CAMSAP2: variants seen among roughly 807,000 people sequenced by gnomAD.
CAMSAP2 encodes calmodulin regulated spectrin associated protein family member 2.
A neutral mutation model predicts 146.1 loss-of-function variants in CAMSAP2; 26 were observed. The observed-to-expected ratio is 0.18, with a 90% CI of 0.13 to 0.25. The LOEUF (loss-of-function observed/expected upper bound fraction) is 0.25, where lower values mean the gene tolerates loss of function less well. Ranked by LOEUF, CAMSAP2 falls within the 10% of genes least tolerant of loss-of-function variation. CAMSAP2 has a pLI of 1.00. For synonymous variants in CAMSAP2, 499 were observed against 596.6 expected (o/e 0.84, Z 2.38); for missense variants, 1,381 against 1,759.3 (o/e 0.78, Z 3.85).
intron 1 of CAMSAP2, among the ~76,000 whole-genome samples, chr1:200,747,399 A>G (rs747671046): frequency 3.9e-5 from 6 of 152,236 alleles, no homozygotes; most frequent in Non-Finnish European, 4.4e-5. Context: ...AAAAAGATCC[A>G]TTAGATTTAG....
At chr1:200,748,856 T>C (rs1664419446) in intron 1 of CAMSAP2, among the ~76,000 whole-genome samples, 1 of 152,136 alleles carries the variant, frequency 6.6e-6, no homozygotes, top group Non-Finnish European at 1.5e-5. Flanking sequence ...CTCTATTTAT[T>C]AGCTGAAATG....
intron 9 of CAMSAP2, 93 bp downstream of exon 9, chr1:200,847,385 GT>G: frequency 2.4e-6 from 2 of 832,950 alleles, no homozygotes; most frequent in African/African-American, 1.8e-5. Context: ...AATATCCAGG[GT>G]TTTTTTGTGT....
chr1:200,770,313 C>T (rs953934174), intron 2 of CAMSAP2, among the ~76,000 whole-genome samples: 33 of 152,220 alleles, frequency 2.2e-4, no homozygotes, highest in Non-Finnish European at 4.0e-4. Context: ...AGGTAATAAA[C>T]GATAATGTTA....
chr1:200,811,260 C>T (rs1666322320), intron 3 of CAMSAP2, among the ~76,000 whole-genome samples: 1 of 152,142 alleles, frequency 6.6e-6, no homozygotes, highest in Middle Eastern at 3.2e-3. Flanking sequence ...TTTGGCTTCT[C>T]AGCAGTTTTT....
At chr1:200,824,595 C>T (rs1026056702) in intron 4 of CAMSAP2, among the ~76,000 whole-genome samples, 1 of 152,158 alleles carries the variant, frequency 6.6e-6, no homozygotes, top group African/African-American at 2.4e-5. Flanking sequence ...ACTCAGGCTT[C>T]CAACAGCATT....
At position 200,848,248 on chromosome 1, in the gene CAMSAP2, T is replaced by C; in HGVS notation, c.1479T>C (p.Asp493=). ...AESIEEELNI[D]SHSDLKSCVP... ...GCATTGAAGAAGAACTTAATATAGATTCTCACAGTGACCTCAAATCTTGTG... is the reference window on the plus strand; with the variant it reads ...GCATTGAAGAAGAACTTAATATAGACTCTCACAGTGACCTCAAATCTTGTG... Residue 493 remains aspartate, a synonymous_variant, in exon 11 of 17, where the codon GAT becomes GAC. Coordinates refer to ENST00000358823, the MANE Select transcript of CAMSAP2 (RefSeq NM_203459.4). The C allele has an allele frequency of 6.2e-7, 1 of 1,613,588 alleles. No individual in the cohort carries two copies. Among genetic ancestry groups the C allele is most frequent in the African/African-American group, 1.3e-5 (1 of 75,016 alleles).
Position 200,849,769 on chromosome 1 carries a change from C to A in CAMSAP2, c.3000C>A (p.Ser1000Arg). The stretch of plus-strand genomic sequence containing the variant: ...TGACACCTCCTCGGTCTGTGGATAG[C>A]CTTCCTCGGTTAAGGAGGTTTTCAC... ...RTLTPPRSVD[S>R]LPRLRRFSPS... The change falls in exon 11 of 17, where the codon AGC becomes AGA. Residue 1000 changes from serine (S) to arginine (R), a missense_variant. Physicochemically the swap from Ser to Arg is moderately radical, Grantham distance 110. Coordinates refer to ENST00000358823, the MANE Select transcript of CAMSAP2 (RefSeq NM_203459.4). The surrounding 1 kb of genome is among the most constrained non-coding windows in gnomAD (Gnocchi z 6.3). 6.2e-7 allele frequency: 1 copy of A among 1,614,122 alleles called. No homozygotes were observed. Among genetic ancestry groups the A allele is most frequent in the Non-Finnish European group, 8.5e-7 (1 of 1,179,996 alleles).
rs772398121 is a variant in CAMSAP2 at position 200,832,190 on chromosome 1, T to TA, written c.646-9dup. The TA allele has an allele frequency of 1.9e-6, 3 of 1,587,146 alleles. No individual in the cohort carries two copies. In the South Asian group the frequency reaches 3.5e-5, roughly 19 times the overall value. On this transcript the variant is annotated splice_polypyrimidine_tract_variant and intron_variant, in intron 4 of 16. Transcript: ENST00000358823. The surrounding 1 kb of genome is among the most constrained non-coding windows in gnomAD (Gnocchi z 4.2). ...CTTATTTATTTTCATGTATTTTTTTTATATCGTAGGCTCGTTATCGGAAAG... is the reference window on the plus strand; with the variant it reads ...CTTATTTATTTTCATGTATTTTTTTTAATATCGTAGGCTCGTTATCGGAAAG...
intron 6 of CAMSAP2, among the ~76,000 whole-genome samples, chr1:200,838,900 C>T (rs1553292241): frequency 6.6e-6 from 1 of 152,090 alleles, no homozygotes; most frequent in Non-Finnish European, 1.5e-5. Context: ...ATGAATTGGA[C>T]ATGGGAGAAA....
intron 1 of CAMSAP2, among the ~76,000 whole-genome samples, chr1:200,754,171 T>C (rs1395031846): frequency 6.6e-6 from 1 of 152,206 alleles, no homozygotes; most frequent in Non-Finnish European, 1.5e-5. Flanking sequence ...ACAATATGCC[T>C]GTTATTTTAT....
At chr1:200,851,450 C>A (rs1483953702) in intron 11 of CAMSAP2, among the ~76,000 whole-genome samples, 2 of 152,220 alleles carry the variant, frequency 1.3e-5, no homozygotes, top group Non-Finnish European at 2.9e-5. Flanking sequence ...CCGCCTCAGC[C>A]TCCCAAAGTG....
intron 7 of CAMSAP2, among the ~76,000 whole-genome samples, chr1:200,843,093 T>C (rs1306709425): frequency 6.6e-6 from 1 of 152,086 alleles, no homozygotes; most frequent in Admixed American, 6.5e-5. Context: ...ATGGAAACAT[T>C]TCTGTCTGCT....
Position 200,848,140 on chromosome 1 carries a change from T to C in CAMSAP2, c.1371T>C (p.Leu457=). The change falls in exon 11 of 17, where the codon CTT becomes CTC. Residue 457 remains leucine, a synonymous_variant. Coordinates refer to ENST00000358823, the MANE Select transcript of CAMSAP2 (RefSeq NM_203459.4). ...CTCGTTCTATTAGTAATGAAGGACT[T>C]ACTCTGAACAACAGTCATGTATCTA... The part of the protein sequence containing the change: ...GITRSISNEG[L]TLNNSHVSKH... 6.2e-7 allele frequency: 1 copy of C among 1,613,546 alleles called. No homozygotes were observed. The highest frequency in any genetic ancestry group is 8.5e-7 in the Non-Finnish European group (1 of 1,179,644).
chr1:200,840,734 G>C (rs1326253826), intron 6 of CAMSAP2, among the ~76,000 whole-genome samples: 1 of 152,116 alleles, frequency 6.6e-6, no homozygotes, highest in Non-Finnish European at 1.5e-5. Context: ...AAGAAGGCAA[G>C]ACATTAGAAA....
intron 15 of CAMSAP2, among the ~76,000 whole-genome samples, chr1:200,856,431 C>G (rs1406964081): frequency 6.6e-6 from 1 of 152,210 alleles, no homozygotes; most frequent in African/African-American, 2.4e-5. Flanking sequence ...ACCAAGTCCT[C>G]TCCCTAATAC....
In CAMSAP2 at chr1:200,850,103, C is replaced by T; in HGVS notation, c.3334C>T (p.Leu1112=). The T allele has an allele frequency of 6.2e-7, 1 of 1,614,118 alleles. No individual in the cohort carries two copies. Among genetic ancestry groups the T allele is most frequent in the East Asian group, 2.2e-5 (1 of 44,888 alleles). ...FPPTAPKNVN[L]IEVSLSDLKP... Reference sequence around the variant, plus strand: ...ACCCACTGCTCCAAAAAATGTTAATCTGATTGAAGTTTCCCTCTCAGATTT... The same window carrying T: ...ACCCACTGCTCCAAAAAATGTTAATTTGATTGAAGTTTCCCTCTCAGATTT... Residue 1112 remains leucine, a synonymous_variant, in exon 11 of 17, where the codon CTG becomes TTG. Coordinates refer to ENST00000358823, the MANE Select transcript of CAMSAP2 (RefSeq NM_203459.4).
intron 6 of CAMSAP2, among the ~76,000 whole-genome samples, chr1:200,839,341 T>A (rs1475937654): frequency 1.3e-5 from 2 of 152,158 alleles, no homozygotes; most frequent in African/African-American, 4.8e-5. Context: ...AGTAGAGGCC[T>A]GCTCCTAAAA....
intron 2 of CAMSAP2, among the ~76,000 whole-genome samples, chr1:200,801,002 A>G (rs1048832541): frequency 1.3e-5 from 2 of 152,194 alleles, no homozygotes; most frequent in Admixed American, 1.3e-4. Flanking sequence ...GCAGTGGCTC[A>G]CACCTGTAAT....
intron 2 of CAMSAP2, among the ~76,000 whole-genome samples, chr1:200,789,240 C>CT (rs1665680348): frequency 6.6e-6 from 1 of 152,054 alleles, no homozygotes; most frequent in Non-Finnish European, 1.5e-5. Flanking sequence ...GGTTTTGTAT[C>CT]TAAGAAGTCA....
Sources: allele counts gnomAD v4.1 joint callset (sites outside exome capture counted in the v4.1 genomes callset), GRCh38; gene constraint gnomAD v4.1.1; non-coding constraint Gnocchi (gnomAD v3.1); transcripts MANE v1.5; gene names NCBI Gene and HGNC (gene_info 2026-07-23, HGNC 2026-07-21).